DENND2B: variants seen among roughly 807,000 people sequenced by gnomAD.
DENND2B encodes the protein DENN domain-containing protein 2B.
A neutral mutation model predicts 116.0 loss-of-function variants in DENND2B; 32 were observed. The observed-to-expected ratio is 0.28, with a 90% CI of 0.21 to 0.37. DENND2B has a LOEUF of 0.37. DENND2B is among the 10% of genes least tolerant of loss of function. DENND2B has a pLI of 1.00. For synonymous variants in DENND2B, 588 were observed against 583.9 expected, an observed-to-expected ratio of 1.01 and a Z score of -0.10; for missense variants, 1,276 against 1,477.7, an observed-to-expected ratio of 0.86 and a Z score of 2.24.
rs201512783 is a variant in DENND2B, at chr11:8,695,569, A to G, written c.3293-20T>C. The G allele has an allele frequency of 1.9e-6, 3 of 1,609,770 alleles. No individual in the cohort carries two copies. Among genetic ancestry groups the G allele is most frequent in the Admixed American group, 3.3e-5 (2 of 60,014 alleles). ...AAAGGCCTGGGTAAAAGAAACAGGC[A>G]CAGGGAAGAGAACAGTCATTGGAGG... On this transcript the variant is annotated intron_variant, in intron 18 of 19. Coordinates refer to ENST00000313726, the MANE Select transcript of DENND2B (RefSeq NM_213618.2).
upstream of DENND2B, among the ~76,000 whole-genome samples, chr11:8,812,130 A>T (rs2061406637): frequency 6.6e-6 from 1 of 152,212 alleles, no homozygotes; most frequent in African/African-American, 2.4e-5. Flanking sequence ...GAACTAAGAG[A>T]TCAGCCAAGT....
rs564987849 is a variant in DENND2B, at chr11:8,696,327, G to C, written c.3292+100C>G. On this transcript the variant is annotated intron_variant, in intron 18 of 19. Transcript: ENST00000313726. ...GAGGTAAAGGGATGTTAAGAGGCCTGGCCCTAGCTGATGTCCAAGAGCTTC... is the reference window on the plus strand; with the variant it reads ...GAGGTAAAGGGATGTTAAGAGGCCTCGCCCTAGCTGATGTCCAAGAGCTTC... 275 of 1,522,748 alleles carry C rather than the reference G, an allele frequency of 1.8e-4. No homozygotes were observed. In the African/African-American group the frequency reaches 3.3e-3, roughly 18 times the overall value. The allele number at this position is 1,522,748 out of a possible 1,614,324, so 94.3% of individuals were successfully genotyped here. A position where few individuals can be genotyped will look rare whatever the true frequency, so the allele number is the denominator to read the frequency against.
Position 8,730,986 on chromosome 11 carries a change from A to G in DENND2B, c.304T>C (p.Leu102=). 6.2e-7 allele frequency: 1 copy of G among 1,614,224 alleles called. No individual in the cohort carries two copies. Among genetic ancestry groups the G allele is most frequent in the Non-Finnish European group, 8.5e-7 (1 of 1,180,042 alleles). ...TTGCACGCCGAAGGGCTTCTGTCCAAATAACCGAAGCTGGCGGTCTTGAAG... is the reference window on the plus strand; with the variant it reads ...TTGCACGCCGAAGGGCTTCTGTCCAGATAACCGAAGCTGGCGGTCTTGAAG... The part of the protein sequence containing the change: ...CPFKTASFGY[L]DRSPSACKRD... Residue 102 remains leucine, a synonymous_variant, in exon 3 of 20, where the codon TTG becomes CTG. Transcript: ENST00000313726. The surrounding 1 kb of genome is among the most constrained non-coding windows in gnomAD (Gnocchi z 4.1).
rs770558962 is a variant in DENND2B, at chr11:8,712,724, G to A, written c.1999C>T (p.Arg667Cys). The A allele has an allele frequency of 2.5e-6, 4 of 1,611,134 alleles. No homozygotes were observed. The highest frequency in any genetic ancestry group is 1.7e-5 in the Admixed American group (1 of 59,846). Reference sequence around the variant, plus strand: ...AGCATCGACTGGATGTGGACCAGGCGCTGTGTGTGGGCTGGAGGCAGGTTG... The same window carrying A: ...AGCATCGACTGGATGTGGACCAGGCACTGTGTGTGGGCTGGAGGCAGGTTG... ...SDDRFKAHTQ[R>C]LVHIQSMLKR... The change falls in exon 9 of 20, where the codon CGC becomes TGC. Residue 667 changes from arginine to cysteine, a missense_variant. Arg to Cys is a radical substitution (Grantham distance 180). Around this residue, in one of 2 missense-constraint regions of DENND2B, gnomAD observed 420 missense variants for 631.1 expected, o/e 0.67. Transcript: ENST00000313726. This position sits in a 1 kb window ranked among gnomAD's most constrained non-coding sequence, Gnocchi z 4.4.
At chr11:8,792,621 T>A (rs2059484024) in intron 1 of DENND2B, among the ~76,000 whole-genome samples, 1 of 152,146 alleles carries the variant, frequency 6.6e-6, no homozygotes, top group Non-Finnish European at 1.5e-5. Context: ...AACAATGTAT[T>A]TGAGCAGAAA....
rs146379562 is a variant in DENND2B at position 8,801,701 on chromosome 11, G to C, written c.-26+8816C>G. Among the ~76,000 whole-genome samples, 19 of 145,718 alleles carry C rather than the reference G, an allele frequency of 1.3e-4. No homozygotes were observed. In the East Asian group the frequency reaches 1.8e-3, roughly 14 times the overall value. Reference sequence around the variant, plus strand: ...CAAAAAAAAAAAAAAAAGAAAGAAAGAAACAAACAAACACTCCTGAGGCTG... The same window carrying C: ...CAAAAAAAAAAAAAAAAGAAAGAAACAAACAAACAAACACTCCTGAGGCTG... On this transcript the variant is annotated intron_variant, in intron 1 of 19. Coordinates refer to ENST00000313726, the MANE Select transcript of DENND2B (RefSeq NM_213618.2).
At chr11:8,870,720 C>G (rs890193166) in intron 2 of DENND2B, 12 of 152,336 alleles carry the variant, frequency 7.9e-5, no homozygotes, top group African/African-American at 2.2e-4. Context: ...CACCCCCAAC[C>G]GCGCGGCCCC....
intron 1 of DENND2B, among the ~76,000 whole-genome samples, chr11:8,800,152 T>C (rs190617203): frequency 6.6e-6 from 1 of 151,960 alleles, no homozygotes; most frequent in East Asian, 1.9e-4. Context: ...GGGGGTCTCA[T>C]TATGTTGCCC....
intron 3 of DENND2B, among the ~76,000 whole-genome samples, chr11:8,839,865 G>A (rs1468231900): frequency 1.3e-5 from 2 of 152,172 alleles, no homozygotes; most frequent in Non-Finnish European, 2.9e-5. Flanking sequence ...GCAGAGACAG[G>A]AGAATGAGAA....
At chr11:8,833,422 C>T (rs928540336) in intron 4 of DENND2B, among the ~76,000 whole-genome samples, 3 of 152,054 alleles carry the variant, frequency 2.0e-5, no homozygotes, top group African/African-American at 7.2e-5. Context: ...AAGGAAAGGG[C>T]AATTCCTAAT....
chr11:8,710,858 C>G lies in DENND2B; in HGVS notation c.2339G>C (p.Cys780Ser). 1.2e-6 allele frequency: 2 copies of G among 1,613,956 alleles called. No homozygotes were observed. Among genetic ancestry groups the G allele is most frequent in the African/African-American group, 2.7e-5 (2 of 74,958 alleles). The part of the protein sequence containing the change: ...GEDGSRRFGY[C>S]RRLLPSGKGP... ...GGCCTCACTCACCAGTAAGCGCCTG[C>G]AGTAGCCAAAGCGTCTGCTGCCATC... Residue 780 changes from cysteine to serine, a missense_variant, in exon 11 of 20, where the codon TGC becomes TCC. This residue lies in a region of DENND2B where 420 missense variants were observed against 631.1 expected (regional missense o/e 0.67). Coordinates refer to ENST00000313726, the MANE Select transcript of DENND2B (RefSeq NM_213618.2).
intron 4 of DENND2B, among the ~76,000 whole-genome samples, chr11:8,722,357 A>AG (rs928943702): frequency 2.6e-5 from 4 of 152,194 alleles, no homozygotes; most frequent in African/African-American, 9.7e-5. Context: ...GATGAGCACT[A>AG]GGCTCTCTGC....
Position 8,776,194 on chromosome 11 carries a change from C to G in DENND2B, c.-25-25469G>C, listed in dbSNP as rs146701593. On this transcript the variant is annotated intron_variant, in intron 1 of 19. Coordinates refer to ENST00000313726, the MANE Select transcript of DENND2B (RefSeq NM_213618.2). ...CACACACACACACACACACCTACCT[C>G]TCTCCAGGCAGGACACCTTCTGCTC... 319 of 382,490 alleles carry G rather than the reference C, an allele frequency of 8.3e-4. 1 individual carries two copies. The highest frequency in any genetic ancestry group is 7.1e-3 in the African/African-American group (279 of 39,540). The allele number at this position is 382,490 out of a possible 1,614,324, so 23.7% of individuals were successfully genotyped here. A position where few individuals can be genotyped will look rare whatever the true frequency, so the allele number is the denominator to read the frequency against.
chr11:8,747,779 T>C (rs2051543518), intron 2 of DENND2B, among the ~76,000 whole-genome samples: 1 of 152,174 alleles, frequency 6.6e-6, no homozygotes, highest in Non-Finnish European at 1.5e-5. Flanking sequence ...GGCAGTCACA[T>C]GAAAGGCTTA....
At chr11:8,806,605 A>AACACACACACACACACACACACACAC (rs71059180) in intron 1 of DENND2B, among the ~76,000 whole-genome samples, 4,624 of 118,366 alleles carry the variant, frequency 0.039, 206 homozygotes, top group East Asian at 0.056. Flanking sequence ...CTCCCTTCAA[A>AACACACACACACACACACACACACAC]ACACACACAC....
At chr11:8,743,569 T>A (rs1233431772) in intron 2 of DENND2B, among the ~76,000 whole-genome samples, 2 of 151,876 alleles carry the variant, frequency 1.3e-5, no homozygotes, top group Non-Finnish European at 2.9e-5. Context: ...AATTTTTTTT[T>A]TAAATTACTT....
chr11:8,854,982 T>C (rs1349064230), intron 3 of DENND2B, among the ~76,000 whole-genome samples: 1 of 151,914 alleles, frequency 6.6e-6, no homozygotes, highest in African/African-American at 2.4e-5. Flanking sequence ...TACAAAAAAA[T>C]TTTTTTGAAA....
In DENND2B at chr11:8,702,694, G is replaced by A; in HGVS notation, c.2598C>T (p.Asp866=). The change falls in exon 14 of 20, where the codon GAC becomes GAT. Residue 866 remains aspartate (D), a synonymous_variant. Transcript: ENST00000313726. The surrounding 1 kb of genome is among the most constrained non-coding windows in gnomAD (Gnocchi z 4.6). ...CAAAGTCCACGTGCTCCAGCCTTGA[G>A]TCCATGGGCCGCCGCAGCTCTAACA... ...NEVLELRRPM[D]SRLEHVDFEC... is the part of the protein sequence containing the mutation. The A allele has an allele frequency of 2.5e-6, 4 of 1,613,848 alleles. No individual in the cohort carries two copies. The highest frequency in any genetic ancestry group is 3.4e-6 in the Non-Finnish European group (4 of 1,180,018).
At chr11:8,700,040 T>C (rs1414475157) in intron 14 of DENND2B, 6 of 452,586 alleles carry the variant, frequency 1.3e-5, no homozygotes, top group African/African-American at 1.0e-4. Flanking sequence ...AATAGCTGTA[T>C]TCACAGCCCC....
Sources: allele counts gnomAD v4.1 joint callset (sites outside exome capture counted in the v4.1 genomes callset), GRCh38; gene constraint gnomAD v4.1.1; regional missense constraint gnomAD v4.1.1; non-coding constraint Gnocchi (gnomAD v3.1); transcripts MANE v1.5; gene names NCBI Gene and HGNC (gene_info 2026-07-23, HGNC 2026-07-21).